EML5: variants seen among roughly 807,000 people sequenced by gnomAD.
The protein encoded by EML5 is echinoderm microtubule-associated protein-like 5.
A neutral mutation model predicts 250.0 loss-of-function variants in EML5; 120 were observed. The observed-to-expected ratio is 0.48, with a 90% CI of 0.41 to 0.56. EML5 has a LOEUF of 0.56. Among genes scored for constraint, EML5 ranks in the 20% least tolerant of loss-of-function variants. The pLI is 0.00. For synonymous variants in EML5, 771 were observed against 806.5 expected (o/e 0.96, Z 0.75); for missense variants, 2,006 against 2,437.6 (o/e 0.82, Z 3.73).
chr14:88,698,094 T>C (rs2093122808), intron 14 of EML5, among the ~76,000 whole-genome samples: 1 of 152,184 alleles, frequency 6.6e-6, no homozygotes, highest in African/African-American at 2.4e-5. Flanking sequence ...AATATTTCAC[T>C]AAGTTATTCA....
Position 88,754,691 on chromosome 14 carries a change from A to G in EML5, c.198-20T>C, listed in dbSNP as rs751453566. On this transcript the variant is annotated intron_variant, in intron 1 of 43. Coordinates refer to ENST00000554922, the MANE Select transcript of EML5 (RefSeq NM_183387.3). ...GCAAGGCTGTAAAATAAGGAAATAA[A>G]TAAGTAGTATTATTAAAAATTGCTT... 6 of 1,567,466 alleles carry G rather than the reference A, an allele frequency of 3.8e-6. No homozygotes were observed. Among genetic ancestry groups the G allele is most frequent in the Non-Finnish European group, 5.2e-6 (6 of 1,156,444 alleles).
At chr14:88,726,196 C>G (rs1262470688) in intron 8 of EML5, among the ~76,000 whole-genome samples, 3 of 152,108 alleles carry the variant, frequency 2.0e-5, no homozygotes, top group Non-Finnish European at 4.4e-5. Flanking sequence ...ACAGCCTCAG[C>G]TTGTTAAACG....
rs10438197 is a variant in EML5, at chr14:88,678,656, G to A, written c.3124+3234C>T. Among the ~76,000 whole-genome samples the A allele has an allele frequency of 2.6e-5, 4 of 152,034 alleles. 1 individual carries two copies. Among genetic ancestry groups the A allele is most frequent in the South Asian group, 2.1e-4 (1 of 4,802 alleles). On this transcript the variant is annotated intron_variant, in intron 21 of 43. Transcript: ENST00000554922. ...TTATTTCAAAATTTTAAAAAAATCT[G>A]ATCTCTGAATCATTAGCATCCAGAG...
At chr14:88,684,984 G>T in intron 20 of EML5, 31 bp downstream of exon 20, 1 of 1,503,040 alleles carries the variant, frequency 6.7e-7, no homozygotes, top group South Asian at 1.3e-5. Flanking sequence ...TGTATGTAAA[G>T]AAAAAAAAAC....
chr14:88,733,533 C>T (rs2093793030), intron 7 of EML5, among the ~76,000 whole-genome samples: 1 of 152,164 alleles, frequency 6.6e-6, no homozygotes. Flanking sequence ...AACAATTGTC[C>T]TATTGGCAGC....
At chr14:88,703,624 A>G (rs1188521044) in intron 13 of EML5, among the ~76,000 whole-genome samples, 1 of 152,164 alleles carries the variant, frequency 6.6e-6, no homozygotes. Context: ...TCCTTTTTCA[A>G]ATTCTTGATA....
intron 8 of EML5, among the ~76,000 whole-genome samples, chr14:88,725,546 G>T (rs1398147510): frequency 6.6e-6 from 1 of 152,164 alleles, no homozygotes; most frequent in African/African-American, 2.4e-5. Flanking sequence ...AGAAACTGGG[G>T]TACTGAGAAA....
At chr14:88,646,027 C>T (rs539755459) in intron 29 of EML5, among the ~76,000 whole-genome samples, 9 of 152,076 alleles carry the variant, frequency 5.9e-5, no homozygotes, top group African/African-American at 9.6e-5. Flanking sequence ...ACTGAATAAC[C>T]GGAACATTGA....
chr14:88,702,481 T>G lies in EML5; in HGVS notation c.2203A>C (p.Ile735Leu). 6.2e-7 allele frequency: 1 copy of G among 1,613,158 alleles called. No homozygotes were observed. The highest frequency in any genetic ancestry group is 8.5e-7 in the Non-Finnish European group (1 of 1,179,504). ...GCCACGTAGTCTTTCAAAGGATGAA[T>G]AGTTAGGCAGAGAATATCATCATCA... Reference protein sequence around the residue: ...GHDDDILCLTIHPLKDYVATG... With the variant: ...GHDDDILCLTLHPLKDYVATG... Residue 735 changes from isoleucine to leucine, a missense_variant, in exon 14 of 44, where the codon ATT (isoleucine) becomes CTT (leucine). Physicochemically the swap from Ile to Leu is conservative, Grantham distance 5. Around this residue, in one of 7 missense-constraint regions of EML5, gnomAD observed 1,375 missense variants for 1,590.3 expected, o/e 0.86. Coordinates refer to ENST00000554922, the MANE Select transcript of EML5 (RefSeq NM_183387.3).
chr14:88,677,549 G>A (rs1361835293), intron 21 of EML5, among the ~76,000 whole-genome samples: 1 of 152,132 alleles, frequency 6.6e-6, no homozygotes, highest in Non-Finnish European at 1.5e-5. Flanking sequence ...TTTGCAATCT[G>A]TCCATCTGAC....
chr14:88,684,770 T>C (rs1175249165), intron 20 of EML5, among the ~76,000 whole-genome samples: 3 of 152,080 alleles, frequency 2.0e-5, no homozygotes, highest in Non-Finnish European at 4.4e-5. Context: ...ATCATTTCAT[T>C]ATAACCAAAT....
rs2091239428 is a variant in EML5 at position 88,644,422 on chromosome 14, GT to G, written c.4107+10del. ...ACATTTCAGTAACACTGGAGAGTGA[GT>G]TTTCCTTACCTCTATAGGTCTCTTT... On this transcript the variant is annotated intron_variant, in intron 30 of 43. Transcript: ENST00000554922. 4.3e-6 allele frequency: 7 copies of G among 1,612,838 alleles called. No individual in the cohort carries two copies. Among genetic ancestry groups the G allele is most frequent in the Non-Finnish European group, 5.9e-6 (7 of 1,179,310 alleles).
At chr14:88,754,733 A>G (rs1252611519) in intron 1 of EML5, 62 bp from the exon 2 acceptor site, 9 of 1,381,316 alleles carry the variant, frequency 6.5e-6, no homozygotes, top group East Asian at 2.5e-5. Context: ...ATTTTATAGT[A>G]TTTGGTAGAT....
chr14:88,695,063 C>T (rs189729210), intron 16 of EML5, among the ~76,000 whole-genome samples: 1 of 152,142 alleles, frequency 6.6e-6, no homozygotes, highest in East Asian at 1.9e-4. Flanking sequence ...TGGTCTCCAA[C>T]AGCTATATAA....
At chr14:88,649,830 G>A (rs1595369295) in intron 28 of EML5, 82 bp downstream of exon 28, 3 of 1,165,334 alleles carry the variant, frequency 2.6e-6, no homozygotes, top group Non-Finnish European at 2.4e-6. Flanking sequence ...GTTTTATAGG[G>A]AAAAAATACC....
Position 88,618,238 on chromosome 14 carries a change from T to C in EML5, c.5632A>G (p.Thr1878Ala), listed in dbSNP as rs1811813423. Residue 1878 changes from threonine to alanine, a missense_variant, in exon 41 of 44, where the codon ACA becomes GCA. Coordinates refer to ENST00000554922, the MANE Select transcript of EML5 (RefSeq NM_183387.3). ...TATATAAGTATTTACCTAGTCCATG[T>C]AGCCCAAGTAATTCTGTCAATAGCG... is the stretch of plus-strand genomic sequence containing the variant. ...HAAIDRITWA[T>A]WTSILGDEVL... is the part of the protein sequence containing the mutation. 1.2e-6 allele frequency: 2 copies of C among 1,613,596 alleles called. No homozygotes were observed. The highest frequency in any genetic ancestry group is 1.6e-4 in the Middle Eastern group (1 of 6,084).
rs1822019729 is a variant in EML5 at position 88,675,195 on chromosome 14, C to T, written c.3124+6695G>A. 2.6e-5 allele frequency among the ~76,000 whole-genome samples: 4 copies of T among 152,242 alleles called. 1 individual carries two copies. Among genetic ancestry groups the T allele is most frequent in the South Asian group, 4.1e-4 (2 of 4,834 alleles). On this transcript the variant is annotated intron_variant, in intron 21 of 43. Transcript: ENST00000554922. ...CCACTAGGCGGTGCCCCAGTAGGGA[C>T]TCTGTATGGGGGCTCCAACCCCACA...
intron 31 of EML5, among the ~76,000 whole-genome samples, chr14:88,640,162 A>C (rs563199781): frequency 0.014 from 2,170 of 152,284 alleles, 44 homozygotes; most frequent in African/African-American, 0.05. Context: ...CAAGGTAGAA[A>C]ACTAACAAAG....
chr14:88,715,760 C>T (rs985953712), intron 8 of EML5, among the ~76,000 whole-genome samples: 3 of 151,578 alleles, frequency 2.0e-5, no homozygotes, highest in Non-Finnish European at 1.5e-5. Context: ...GGGGATCAAG[C>T]GATTCTCACC....
Sources: gnomAD v4.1 joint callset for allele counts (sites outside exome capture counted in the v4.1 genomes callset) on GRCh38, gnomAD v4.1.1 for gene constraint, gnomAD v4.1.1 regional missense constraint, MANE v1.5 for transcripts, NCBI Gene and HGNC (gene_info 2026-07-23, HGNC 2026-07-21) for gene names.